Variants in PDE8A observed in about 807,000 individuals in gnomAD.
PDE8A encodes the protein high affinity cAMP-specific and IBMX-insensitive 3',5'-cyclic phosphodiesterase 8A.
In PDE8A, 59 loss-of-function variants were observed where a neutral mutation model predicts 105.0. The observed-to-expected ratio is 0.56, with a 90% CI of 0.46 to 0.70. The LOEUF is 0.70. Ranked by LOEUF, PDE8A falls within the 30% of genes least tolerant of loss-of-function variation. The pLI is 0.00. For synonymous variants in PDE8A, 355 were observed against 371.9 expected, an observed-to-expected ratio of 0.95 and a Z score of 0.52; for missense variants, 1,014 against 1,045.9, an observed-to-expected ratio of 0.97 and a Z score of 0.42.
rs757087467 is a variant in PDE8A, at chr15:85,021,933, G to A, written c.186+39585G>A. ...ATTCCATCTGTTTGTTCCATTACTG[G>A]TGATTTTCACTGTGATCACTTAAGG... On this transcript the variant is annotated intron_variant, in intron 1 of 21. Coordinates refer to ENST00000394553, the MANE Select transcript of PDE8A (RefSeq NM_002605.3). 6.1e-4 allele frequency among the ~76,000 whole-genome samples: 93 copies of A among 152,300 alleles called. 1 individual carries two copies. Among genetic ancestry groups the A allele is most frequent in the Admixed American group, 1.5e-3 (23 of 15,304 alleles).
chr15:85,022,343 C>T (rs750185574), intron 1 of PDE8A, among the ~76,000 whole-genome samples: 8 of 151,490 alleles, frequency 5.3e-5, no homozygotes, highest in East Asian at 1.9e-4. Flanking sequence ...CCATGCTGGA[C>T]GGGGCACCCT....
chr15:85,088,912 A>C (rs76076888), intron 6 of PDE8A, among the ~76,000 whole-genome samples: 5,640 of 152,230 alleles, frequency 0.037, 328 homozygotes, highest in African/African-American at 0.13. Context: ...AATTTGTTTA[A>C]AATAATAGGT....
At chr15:85,060,626 A>T (rs1404780150) in intron 1 of PDE8A, among the ~76,000 whole-genome samples, 1 of 152,222 alleles carries the variant, frequency 6.6e-6, no homozygotes, top group African/African-American at 2.4e-5. Context: ...TTCCCTGCAG[A>T]TAACAAGGGA....
intron 1 of PDE8A, among the ~76,000 whole-genome samples, chr15:85,019,737 A>C (rs2080389467): frequency 6.6e-6 from 1 of 151,660 alleles, no homozygotes; most frequent in South Asian, 2.1e-4. Flanking sequence ...CCACCACCAC[A>C]CCTGGCTAAT....
intron 1 of PDE8A, among the ~76,000 whole-genome samples, chr15:85,014,734 T>A (rs1395058672): frequency 6.6e-6 from 1 of 152,206 alleles, no homozygotes; most frequent in East Asian, 1.9e-4. Context: ...TTGGGATCAC[T>A]CCATAGTTGT....
intron 8 of PDE8A, among the ~76,000 whole-genome samples, chr15:85,092,730 G>A (rs895654503): frequency 6.6e-6 from 1 of 152,144 alleles, no homozygotes; most frequent in African/African-American, 2.4e-5. Context: ...AGGAAGGGAT[G>A]TGCTATAAGT....
intron 8 of PDE8A, among the ~76,000 whole-genome samples, chr15:85,097,031 G>A (rs1376001532): frequency 6.6e-6 from 1 of 152,146 alleles, no homozygotes; most frequent in Non-Finnish European, 1.5e-5. Context: ...AGCCAACAAG[G>A]CTGCCATGGT....
intron 1 of PDE8A, among the ~76,000 whole-genome samples, chr15:85,054,362 T>C (rs141678143): frequency 0.21 from 31,619 of 152,196 alleles, 4,335 homozygotes; most frequent in Middle Eastern, 0.34. Flanking sequence ...TTCCCTCTTT[T>C]TCTATTGATC....
chr15:85,083,717 G>A, intron 6 of PDE8A, 73 bp downstream of exon 6: 1 of 946,424 alleles, frequency 1.1e-6, no homozygotes, highest in Non-Finnish European at 1.7e-6. Flanking sequence ...TTGGTTGTGG[G>A]GAATACTTTT....
intron 8 of PDE8A, 95 bp downstream of exon 8, chr15:85,091,276 C>G (rs987463795): frequency 8.1e-6 from 9 of 1,108,040 alleles, no homozygotes; most frequent in Non-Finnish European, 1.1e-5. Context: ...CTTAATCTTA[C>G]TCCTCCCAGC....
In PDE8A at chr15:85,075,885, C is replaced by A; in HGVS notation, c.458C>A (p.Ser153Ter). Residue 153 changes from serine to a stop codon, truncating the protein, a stop_gained, in exon 4 of 22, where the codon TCA (serine) becomes TAA (stop). Coordinates refer to ENST00000394553, the MANE Select transcript of PDE8A (RefSeq NM_002605.3). LOFTEE classifies it high-confidence loss of function. ...LCRSIRSSKL[S>*]ENTVIVGVVR... is the part of the protein sequence containing the mutation. ...AGGTCTATCAGATCATCAAAACTCT[C>A]AGAAAACACAGTTATTGTTGGTGTA... The A allele has an allele frequency of 6.4e-7, 1 of 1,570,022 alleles. No homozygotes were observed. Among genetic ancestry groups the A allele is most frequent in the Non-Finnish European group, 8.7e-7 (1 of 1,145,130 alleles).
At chr15:85,012,740 CA>C (rs1391201953) in intron 1 of PDE8A, among the ~76,000 whole-genome samples, 3 of 151,820 alleles carry the variant, frequency 2.0e-5, no homozygotes, top group Non-Finnish European at 4.4e-5. Flanking sequence ...ATGGTTTTAA[CA>C]TACAGTATTG....
intron 21 of PDE8A, among the ~76,000 whole-genome samples, chr15:85,136,937 C>T (rs750132496): frequency 3.3e-5 from 5 of 152,098 alleles, no homozygotes; most frequent in Admixed American, 1.3e-4. Flanking sequence ...CAAAACCAAT[C>T]GTGCTGGCTC....
Position 85,123,174 on chromosome 15 carries a change from C to A in PDE8A, c.2066C>A (p.Ala689Glu), listed in dbSNP as rs770169960. Reference sequence around the variant, plus strand: ...GTCAACAGCATCAACAAACCCTTGGCAACACTAGAAGAAAATGGGGTAAGG... The same window carrying A: ...GTCAACAGCATCAACAAACCCTTGGAAACACTAGAAGAAAATGGGGTAAGG... ...KFVNSINKPL[A>E]TLEENGETDK... The change falls in exon 19 of 22, where the codon GCA becomes GAA. Residue 689 changes from alanine to glutamate, a missense_variant. Ala to Glu is a moderately radical substitution (Grantham distance 107). Coordinates refer to ENST00000394553, the MANE Select transcript of PDE8A (RefSeq NM_002605.3). The A allele has an allele frequency of 1.2e-5, 19 of 1,613,816 alleles. No individual in the cohort carries two copies. Among genetic ancestry groups the A allele is most frequent in the Non-Finnish European group, 1.5e-5 (18 of 1,179,920 alleles).
intron 1 of PDE8A, among the ~76,000 whole-genome samples, chr15:84,988,836 G>A (rs1028162539): frequency 2.0e-5 from 3 of 152,194 alleles, no homozygotes; most frequent in Non-Finnish European, 4.4e-5. Flanking sequence ...GGCAAGCACT[G>A]TGTCCTAGTT....
rs574402638 is a variant in PDE8A, at chr15:85,137,683, T to C, written c.2384-114T>C. 24 of 685,856 alleles carry C rather than the reference T, an allele frequency of 3.5e-5. No individual in the cohort carries two copies. The South Asian group carries it at 3.7e-4, about 11-fold the overall frequency. The allele number at this position is 685,856 out of a possible 1,614,324, so 42.5% of individuals were successfully genotyped here. A position where few individuals can be genotyped will look rare whatever the true frequency, so the allele number is the denominator to read the frequency against. On this transcript the variant is annotated intron_variant, in intron 21 of 21. Coordinates refer to ENST00000394553, the MANE Select transcript of PDE8A (RefSeq NM_002605.3). ...CTGGGTGTGTTTGCCCGGGTCTGTTTAGCCTCACGCAGATGCCTGCTCCCA... is the reference window on the plus strand; with the variant it reads ...CTGGGTGTGTTTGCCCGGGTCTGTTCAGCCTCACGCAGATGCCTGCTCCCA...
rs140392144 is a variant in PDE8A at position 85,056,870 on chromosome 15, T to C, written c.187-7500T>C. Among the ~76,000 whole-genome samples, 1,005 of 152,352 alleles carry C rather than the reference T, an allele frequency of 6.6e-3. 18 individuals are homozygous for C. Among genetic ancestry groups the C allele is most frequent in the African/African-American group, 0.023 (972 of 41,590 alleles). ...GTTCCATTGCTGGCGAGGAGCTGCG[T>C]TCCTTTGGAGGAGAAGAGGCACTCC... On this transcript the variant is annotated intron_variant, in intron 1 of 21. Coordinates refer to ENST00000394553, the MANE Select transcript of PDE8A (RefSeq NM_002605.3).
chr15:85,108,960 G>C, intron 11 of PDE8A, 93 bp from the exon 12 acceptor site: 1 of 819,756 alleles, frequency 1.2e-6, no homozygotes, highest in Admixed American at 2.2e-5. Context: ...AACATTTAAA[G>C]TTGAGAGTTT....
chr15:85,076,939 G>A (rs989956014), intron 5 of PDE8A, 152 bp downstream of exon 5: 2 of 570,760 alleles, frequency 3.5e-6, no homozygotes, highest in South Asian at 4.6e-5. Flanking sequence ...CCAGCACTTT[G>A]GGAGGTCGAG....
Sources: allele counts gnomAD v4.1 joint callset (sites outside exome capture counted in the v4.1 genomes callset), GRCh38; gene constraint gnomAD v4.1.1; transcripts MANE v1.5; gene names NCBI Gene and HGNC (gene_info 2026-07-23, HGNC 2026-07-21).